Variants in ADAMTS17 observed in about 807,000 individuals in gnomAD.
ADAMTS17 encodes the protein A disintegrin and metalloproteinase with thrombospondin motifs 17.
A neutral mutation model predicts 141.5 loss-of-function variants in ADAMTS17; 113 were observed. The observed-to-expected ratio is 0.80, with a 90% CI of 0.69 to 0.93. The LOEUF (loss-of-function observed/expected upper bound fraction) is 0.93. Among genes scored for constraint, ADAMTS17 ranks in the 40% least tolerant of loss-of-function variants. ADAMTS17 has a pLI of 0.00. For missense variants in ADAMTS17, 1,659 were observed against 1,517.9 expected, an observed-to-expected ratio of 1.09 and a Z score of -1.54; for synonymous variants, 768 against 630.6, an observed-to-expected ratio of 1.22 and a Z score of -3.27.
Position 100,045,020 on chromosome 15 carries a change from C to T in ADAMTS17, c.2591+3837G>A, listed in dbSNP as rs569078291. On this transcript the variant is annotated intron_variant, in intron 18 of 21. Coordinates refer to ENST00000268070, the MANE Select transcript of ADAMTS17 (RefSeq NM_139057.4). ...ATGGGGTTTCATCATGTTGGCCAGGCTGGTCTTGAAATCTTGACCTCAGTG... is the reference window on the plus strand; with the variant it reads ...ATGGGGTTTCATCATGTTGGCCAGGTTGGTCTTGAAATCTTGACCTCAGTG... 5.3e-5 allele frequency among the ~76,000 whole-genome samples: 8 copies of T among 152,116 alleles called. No homozygotes were observed. The East Asian group carries it at 1.5e-3, about 29-fold the overall frequency.
intron 18 of ADAMTS17, among the ~76,000 whole-genome samples, chr15:100,029,785 C>T (rs2029943886): frequency 6.6e-6 from 1 of 152,230 alleles, no homozygotes. Context: ...TGGTGATTTC[C>T]ACCATGCTTT....
At position 99,997,598 on chromosome 15, in the gene ADAMTS17, C is replaced by T. The variant is rs373353462; in HGVS notation, c.2592-9G>A. ...ACGGGCCTGCCACCCACCTGCCAGA[C>T]GGGAGGAAAGAGAGAGAGAACGACT... On this transcript the variant is annotated splice_polypyrimidine_tract_variant and intron_variant, in intron 18 of 21. Coordinates refer to ENST00000268070, the MANE Select transcript of ADAMTS17 (RefSeq NM_139057.4). This position sits in a 1 kb window ranked among gnomAD's most constrained non-coding sequence, Gnocchi z 4.7. The T allele has an allele frequency of 2.2e-4, 347 of 1,608,386 alleles. 4 individuals are homozygous for T. The highest frequency in any genetic ancestry group is 1.2e-3 in the Admixed American group (70 of 59,888).
chr15:100,158,704 G>A (rs1364527304), intron 8 of ADAMTS17, among the ~76,000 whole-genome samples: 1 of 152,098 alleles, frequency 6.6e-6, no homozygotes, highest in East Asian at 1.9e-4. Context: ...TCTGCAACTA[G>A]CTTATTTCAT....
chr15:100,248,145 C>G (rs1385817818), intron 7 of ADAMTS17, among the ~76,000 whole-genome samples: 1 of 152,204 alleles, frequency 6.6e-6, no homozygotes, highest in African/African-American at 2.4e-5. Context: ...AACGGTGGAA[C>G]ATCTCCACTT....
chr15:100,304,346 T>C (rs1055189438), intron 3 of ADAMTS17, among the ~76,000 whole-genome samples: 1 of 152,232 alleles, frequency 6.6e-6, no homozygotes, highest in African/African-American at 2.4e-5. Flanking sequence ...GTAGCCCGTT[T>C]TGTCTGTTTG....
chr15:100,089,783 G>T (rs903613024), intron 15 of ADAMTS17, among the ~76,000 whole-genome samples: 1 of 144,398 alleles, frequency 6.9e-6, no homozygotes, highest in African/African-American at 2.6e-5. Flanking sequence ...ATTGAACAAT[G>T]AGAACACATG....
intron 6 of ADAMTS17, among the ~76,000 whole-genome samples, chr15:100,259,681 G>A (rs980150835): frequency 6.6e-6 from 1 of 152,310 alleles, no homozygotes; most frequent in African/African-American, 2.4e-5. Flanking sequence ...ATCATATCCT[G>A]TAGAAGCAGC....
intron 14 of ADAMTS17, among the ~76,000 whole-genome samples, chr15:100,097,073 C>G (rs1488049053): frequency 6.6e-6 from 1 of 152,188 alleles, no homozygotes; most frequent in African/African-American, 2.4e-5. Context: ...CAAGGCACGT[C>G]TGAGAGCAGA....
intron 12 of ADAMTS17, among the ~76,000 whole-genome samples, chr15:100,119,157 G>C (rs1016350615): frequency 6.6e-6 from 1 of 151,426 alleles, no homozygotes; most frequent in Non-Finnish European, 1.5e-5. Flanking sequence ...CCCTCACAGT[G>C]CTCAGGAGAA....
At position 99,997,458 on chromosome 15, in the gene ADAMTS17, G is replaced by C. The variant is rs754451095; in HGVS notation, c.2723C>G (p.Pro908Arg). Residue 908 changes from proline (P) to arginine (R), a missense_variant, in exon 19 of 22, where the codon CCC becomes CGC. Coordinates refer to ENST00000268070, the MANE Select transcript of ADAMTS17 (RefSeq NM_139057.4). The surrounding 1 kb of genome is among the most constrained non-coding windows in gnomAD (Gnocchi z 4.7). Reference sequence around the variant, plus strand: ...ACAGCTCTGCACTGCCGCCGGCCGGGGGCCCGGGCAGTAGAGGGGCCGCGT... The same window carrying C: ...ACAGCTCTGCACTGCCGCCGGCCGGCGGCCCGGGCAGTAGAGGGGCCGCGT... ...VATRPLYCPG[P>R]RPAAVQSCEG... The C allele has an allele frequency of 6.2e-7, 1 of 1,613,626 alleles. No homozygotes were observed. The highest frequency in any genetic ancestry group is 1.7e-5 in the Admixed American group (1 of 60,010).
chr15:100,207,758 A>G (rs998624377), intron 7 of ADAMTS17, among the ~76,000 whole-genome samples: 4 of 152,308 alleles, frequency 2.6e-5, no homozygotes, highest in Non-Finnish European at 5.9e-5. Flanking sequence ...AATGGGGTAC[A>G]CCTTGCAAGT....
chr15:100,290,030 G>A (rs1007493911), intron 3 of ADAMTS17, among the ~76,000 whole-genome samples: 4 of 152,108 alleles, frequency 2.6e-5, no homozygotes, highest in Non-Finnish European at 5.9e-5. Flanking sequence ...TCAGGCAAGA[G>A]AAAGAAATAA....
In ADAMTS17 at chr15:100,116,907, G is replaced by C. The variant is rs766458746; in HGVS notation, c.1828C>G (p.Gln610Glu). ...GLPSFRDQQC[Q>E]AHDRLSPKKK... is the part of the protein sequence containing the mutation. ...TTGGGGCTCAGCCGGTCGTGTGCCT[G>C]GCACTGCTGGTCCCGGAAGCTGGGC... Residue 610 changes from glutamine (Q) to glutamate (E), a missense_variant, in exon 13 of 22, where the codon CAG becomes GAG. Coordinates refer to ENST00000268070, the MANE Select transcript of ADAMTS17 (RefSeq NM_139057.4). 2.5e-6 allele frequency: 4 copies of C among 1,614,204 alleles called. No individual in the cohort carries two copies. The highest frequency in any genetic ancestry group is 3.4e-6 in the Non-Finnish European group (4 of 1,180,044).
intron 15 of ADAMTS17, among the ~76,000 whole-genome samples, chr15:100,084,347 G>C (rs1215759917): frequency 6.6e-6 from 1 of 152,214 alleles, no homozygotes; most frequent in African/African-American, 2.4e-5. Context: ...CCGCCGGGAA[G>C]CTCGAACTGG....
chr15:100,160,969 G>A (rs1280237434), intron 8 of ADAMTS17, among the ~76,000 whole-genome samples: 1 of 152,126 alleles, frequency 6.6e-6, no homozygotes, highest in Admixed American at 6.5e-5. Flanking sequence ...ATGTCCCAGG[G>A]CATTTATTAT....
At chr15:100,133,385 G>T in intron 10 of ADAMTS17, 70 bp from the exon 11 acceptor site, 2 of 1,459,420 alleles carry the variant, frequency 1.4e-6, no homozygotes, top group South Asian at 2.4e-5. Context: ...TGGGGTCAGA[G>T]GTGTGGCCCA....
intron 12 of ADAMTS17, among the ~76,000 whole-genome samples, chr15:100,131,443 C>G (rs1159464019): frequency 6.6e-6 from 1 of 150,836 alleles, no homozygotes; most frequent in Non-Finnish European, 1.5e-5. Flanking sequence ...CACCATCAAG[C>G]CCAAAATCGA....
chr15:100,071,535 T>G (rs2033970881), intron 15 of ADAMTS17, among the ~76,000 whole-genome samples: 1 of 149,962 alleles, frequency 6.7e-6, no homozygotes, highest in South Asian at 2.1e-4. Flanking sequence ...ATCAAGAAGC[T>G]TACCCATCAA....
intron 14 of ADAMTS17, among the ~76,000 whole-genome samples, chr15:100,102,554 G>T (rs1018337209): frequency 1.3e-5 from 2 of 150,462 alleles, no homozygotes; most frequent in South Asian, 4.2e-4. Flanking sequence ...TACATTTGAA[G>T]GCCGACCGAA....
Sources: gnomAD v4.1 joint callset for allele counts (sites outside exome capture counted in the v4.1 genomes callset) on GRCh38, gnomAD v4.1.1 for gene constraint, Gnocchi (gnomAD v3.1) non-coding constraint, MANE v1.5 for transcripts, NCBI Gene and HGNC (gene_info 2026-07-23, HGNC 2026-07-21) for gene names.